The following NFIX variants were observed in gnomAD, a reference collection of about 807,000 sequenced individuals.
The protein encoded by NFIX is nuclear factor I X, also known as nuclear factor 1 X-type.
Under a neutral mutation model 53.3 loss-of-function variants are expected in NFIX, and 2 were observed. That is an observed-to-expected ratio of 0.04 (90% CI 0.02 to 0.12). The LOEUF is 0.12. Among genes scored for constraint, NFIX ranks in the 10% least tolerant of loss-of-function variants. The pLI is 1.00. For missense variants in NFIX, 310 were observed against 674.5 expected, an observed-to-expected ratio of 0.46 and a Z score of 5.99; for synonymous variants, 244 against 289.0, an observed-to-expected ratio of 0.84 and a Z score of 1.58.
chr19:13,045,473 G>A lies in NFIX; in HGVS notation c.559+19921G>A, dbSNP rs2014925372. 6.6e-6 allele frequency among the ~76,000 whole-genome samples: 1 copy of A among 152,102 alleles called. No individual in the cohort carries two copies. The highest frequency in any genetic ancestry group is 1.5e-5 in the Non-Finnish European group (1 of 68,008). On this transcript the variant is annotated intron_variant, in intron 2 of 10. Transcript: ENST00000592199. The surrounding 1 kb of genome is among the most constrained non-coding windows in gnomAD (Gnocchi z 4.4). ...CTGCACAAGACGACCCCCCATAGAA[G>A]ACAGTATCTAGCCCCAGCATGAGGG...
At chr19:13,004,759 C>T (rs2011922043) in intron 1 of NFIX, among the ~76,000 whole-genome samples, 1 of 151,828 alleles carries the variant, frequency 6.6e-6, no homozygotes, top group Non-Finnish European at 1.5e-5. Flanking sequence ...GTCGAGGGCT[C>T]CACCCTCACC....
At position 13,025,415 on chromosome 19, in the gene NFIX, C is replaced by A. The variant is rs2013257741; in HGVS notation, c.422C>A (p.Pro141His). ...ATGGTGATTTTGTTTAAGGGGATCC[C>A]CCTGGAAAGTACTGATGGGGAGCGG... ...LVMVILFKGI[P>H]LESTDGERLY... is the part of the protein sequence containing the mutation. The change falls in exon 2 of 11, where the codon CCC becomes CAC. Residue 141 changes from proline (P) to histidine (H), a missense_variant. Coordinates refer to ENST00000592199, the MANE Select transcript of NFIX (RefSeq NM_001365902.3). This position sits in a 1 kb window ranked among gnomAD's most constrained non-coding sequence, Gnocchi z 7.5. The A allele has an allele frequency of 6.2e-7, 1 of 1,613,918 alleles. No individual in the cohort carries two copies. Among genetic ancestry groups the A allele is most frequent in the Admixed American group, 1.7e-5 (1 of 60,014 alleles).
In NFIX at chr19:13,075,026, C is replaced by T. The variant is rs183190612; in HGVS notation, c.819-509C>T. On this transcript the variant is annotated intron_variant, in intron 5 of 10. Transcript: ENST00000592199. ...CGGAGCTTGCAGTGAGCTGAGATCA[C>T]GCCACTGCACTCCAGCCTGGGTGAC... 2.6e-3 allele frequency among the ~76,000 whole-genome samples: 365 copies of T among 138,482 alleles called. 1 individual carries two copies. The highest frequency in any genetic ancestry group is 9.6e-3 in the African/African-American group (338 of 35,098). 90.8% of individuals were successfully genotyped at this position (138,482 alleles called of 152,430 possible).
At position 13,013,679 on chromosome 19, in the gene NFIX, ATTAC is replaced by A. The variant is rs951376963; in HGVS notation, c.28-11339_28-11336del. 5 of 150,626 alleles carry A rather than the reference ATTAC, an allele frequency of 3.3e-5. No individual in the cohort carries two copies. Among genetic ancestry groups the A allele is most frequent in the East Asian group, 2.0e-4 (1 of 5,118 alleles). 9.3% of individuals were successfully genotyped at this position (150,626 alleles called of 1,614,324 possible). ...ATTTTTTTTAATTTAAAGGAGTTTT[ATTAC>A]TTCTTTTTTTTTTATAAAGCATGTG... On this transcript the variant is annotated intron_variant, in intron 1 of 10. Transcript: ENST00000592199. This position sits in a 1 kb window ranked among gnomAD's most constrained non-coding sequence, Gnocchi z 5.9.
rs553020039 is a variant in NFIX at position 13,081,462 on chromosome 19, A to G, written c.1079-218A>G. On this transcript the variant is annotated intron_variant, in intron 7 of 10. Transcript: ENST00000592199. The surrounding 1 kb of genome is among the most constrained non-coding windows in gnomAD (Gnocchi z 4.7). Reference sequence around the variant, plus strand: ...CTTTGGACCCTAGTTTGCCTATTTGATTATTATTATTATTATTATTTTTGT... The same window carrying G: ...CTTTGGACCCTAGTTTGCCTATTTGGTTATTATTATTATTATTATTTTTGT... Among the ~76,000 whole-genome samples, 10 of 143,844 alleles carry G rather than the reference A, an allele frequency of 7.0e-5. 1 individual carries two copies. The highest frequency in any genetic ancestry group is 2.4e-4 in the African/African-American group (10 of 40,834). 94.4% of individuals were successfully genotyped at this position (143,844 alleles called of 152,430 possible).
chr19:13,042,128 G>C (rs368025417), intron 2 of NFIX, among the ~76,000 whole-genome samples: 31 of 149,682 alleles, frequency 2.1e-4, no homozygotes, highest in East Asian at 1.4e-3. Flanking sequence ...GGATGGTCTT[G>C]ATCTCCTGAC....
chr19:13,004,003 G>A (rs2011871294), intron 1 of NFIX, among the ~76,000 whole-genome samples: 1 of 152,034 alleles, frequency 6.6e-6, no homozygotes, highest in South Asian at 2.1e-4. Flanking sequence ...TTGAATTCCT[G>A]GGCTCAGGTG....
chr19:13,005,498 A>G lies in NFIX; in HGVS notation c.27+9634A>G. Among the ~76,000 whole-genome samples the G allele has an allele frequency of 6.6e-6, 1 of 152,188 alleles. No individual in the cohort carries two copies. The highest frequency in any genetic ancestry group is 1.5e-5 in the Non-Finnish European group (1 of 68,028). On this transcript the variant is annotated intron_variant, in intron 1 of 10. Coordinates refer to ENST00000592199, the MANE Select transcript of NFIX (RefSeq NM_001365902.3). The surrounding 1 kb of genome is among the most constrained non-coding windows in gnomAD (Gnocchi z 4.7). ...TCTCTGGGTCTCAATTTCTGTATCT[A>G]GGAAGCAGGGCTGTGGTAAGGATCT...
At chr19:13,007,181 C>T (rs1056792786) in intron 1 of NFIX, among the ~76,000 whole-genome samples, 7 of 151,998 alleles carry the variant, frequency 4.6e-5, no homozygotes, top group African/African-American at 1.7e-4. Context: ...CTTCCCCCTC[C>T]CCCCCCATAG....
intron 1 of NFIX, among the ~76,000 whole-genome samples, chr19:13,015,790 TCACACA>T (rs5827172): frequency 3.0e-4 from 40 of 132,162 alleles, no homozygotes; most frequent in Admixed American, 1.0e-3. Context: ...CATAGAGAGA[TCACACA>T]CACACACACA....
At chr19:13,046,474 C>G (rs369049330) in intron 2 of NFIX, among the ~76,000 whole-genome samples, 12 of 151,914 alleles carry the variant, frequency 7.9e-5, no homozygotes, top group African/African-American at 1.2e-4. Context: ...TTCCCCCCCC[C>G]TCTTTTTTTT....
Position 13,011,296 on chromosome 19 carries a change from T to A in NFIX, c.28-13725T>A, listed in dbSNP as rs890343648. Among the ~76,000 whole-genome samples the A allele has an allele frequency of 2.0e-5, 3 of 152,216 alleles. No homozygotes were observed. The highest frequency in any genetic ancestry group is 7.2e-5 in the African/African-American group (3 of 41,462). On this transcript the variant is annotated intron_variant, in intron 1 of 10. Transcript: ENST00000592199. This position sits in a 1 kb window ranked among gnomAD's most constrained non-coding sequence, Gnocchi z 6.5. ...ACGTTGCTTTTTGGTGTGTGTTTGC[T>A]GTTACCGCTTAAATTAACCCTGAGT...
intron 2 of NFIX, among the ~76,000 whole-genome samples, chr19:13,044,135 G>A (rs892366973): frequency 3.9e-5 from 6 of 152,178 alleles, no homozygotes. Flanking sequence ...CCTGGGTAGT[G>A]GGAGCTGCCT....
Position 13,060,163 on chromosome 19 carries a change from G to T in NFIX, c.560-12884G>T, listed in dbSNP as rs2015985906. ...TTGGCAGGCTCTGGGGTGGGAGTAAGCCTGTTCTCAGCTCCCCTTTACTAG... is the reference window on the plus strand; with the variant it reads ...TTGGCAGGCTCTGGGGTGGGAGTAATCCTGTTCTCAGCTCCCCTTTACTAG... On this transcript the variant is annotated intron_variant, in intron 2 of 10. Coordinates refer to ENST00000592199, the MANE Select transcript of NFIX (RefSeq NM_001365902.3). This position sits in a 1 kb window ranked among gnomAD's most constrained non-coding sequence, Gnocchi z 4.3. Among the ~76,000 whole-genome samples, 1 of 152,204 alleles carries T rather than the reference G, an allele frequency of 6.6e-6. No individual in the cohort carries two copies. The highest frequency in any genetic ancestry group is 2.1e-4 in the South Asian group (1 of 4,832).
intron 2 of NFIX, chr19:13,070,953 T>G (rs2016740299): frequency 6.6e-6 from 1 of 152,310 alleles, no homozygotes; most frequent in Non-Finnish European, 1.5e-5. Flanking sequence ...CACACGCGTG[T>G]GCACGGGCAC....
In NFIX at chr19:12,995,813, C is replaced by T; in HGVS notation, c.-25C>T. ...GCCTCCCCTCGCCGCGGCCGGCCGC[C>T]GCGCTCCCGCCCGGGCGCCCAGCTA... On this transcript the variant is annotated 5_prime_UTR_variant, in exon 1 of 11. Transcript: ENST00000592199. 1.0e-6 allele frequency: 1 copy of T among 992,304 alleles called. No homozygotes were observed. 61.5% of individuals were successfully genotyped at this position (992,304 alleles called of 1,614,324 possible).
At position 13,089,361 on chromosome 19, in the gene NFIX, G is replaced by T. The variant is rs1285185660; in HGVS notation, c.1403-938G>T. ...TGGGGGCATCTTCCCTTCTGGGGGT[G>T]CAGGGCCTGTTCCCTCCAGCAGGGC... is the stretch of plus-strand genomic sequence containing the variant. On this transcript the variant is annotated intron_variant, in intron 9 of 10. Transcript: ENST00000592199. This position sits in a 1 kb window ranked among gnomAD's most constrained non-coding sequence, Gnocchi z 4.8. 5.3e-5 allele frequency among the ~76,000 whole-genome samples: 8 copies of T among 152,184 alleles called. No homozygotes were observed.
chr19:13,061,892 G>A (rs2016115675), intron 2 of NFIX, among the ~76,000 whole-genome samples: 1 of 152,180 alleles, frequency 6.6e-6, no homozygotes, highest in African/African-American at 2.4e-5. Flanking sequence ...CACACTGGAG[G>A]TCTAACAGCA....
chr19:13,050,907 C>A (rs1047667725), intron 2 of NFIX, among the ~76,000 whole-genome samples: 1 of 152,206 alleles, frequency 6.6e-6, no homozygotes, highest in African/African-American at 2.4e-5. Context: ...GGCTGAGTAG[C>A]CTGCAGACAG....
Sources: allele counts gnomAD v4.1 joint callset (sites outside exome capture counted in the v4.1 genomes callset), GRCh38; gene constraint gnomAD v4.1.1; non-coding constraint Gnocchi (gnomAD v3.1); transcripts MANE v1.5; gene names NCBI Gene and HGNC (gene_info 2026-07-23, HGNC 2026-07-21).